CNTNAP4: variants seen among roughly 807,000 people sequenced by gnomAD.
The protein encoded by CNTNAP4 is contactin-associated protein-like 4.
CNTNAP4 carries 98 observed loss-of-function variants against 148.4 expected under a neutral mutation model. The observed-to-expected ratio is 0.66, with a 90% confidence interval of 0.56 to 0.78. The LOEUF is 0.78. Ranked by LOEUF, CNTNAP4 falls within the 30% of genes least tolerant of loss-of-function variation. CNTNAP4 has a pLI of 0.00. For synonymous variants in CNTNAP4, 730 were observed against 565.1 expected (o/e 1.29, Z -4.14); for missense variants, 1,935 against 1,565.6 (o/e 1.24, Z -3.98).
In CNTNAP4 at chr16:76,553,402, C is replaced by G. The variant is rs540496086; in HGVS notation, c.3562C>G (p.Pro1188Ala). ...PLKAALHPSH[P>A]DPVTVTGHVT... ...GAAGGCAGCTCTGCACCCCAGCCAC[C>G]CAGACCCTGTCACTGTTACAGGACA... Residue 1188 changes from proline to alanine, a missense_variant, in exon 22 of 24, where the codon CCA becomes GCA. By Grantham distance (27) the Pro-to-Ala change is conservative (BLOSUM62 -1). Coordinates refer to ENST00000611870, the MANE Select transcript of CNTNAP4 (RefSeq NM_033401.5). 1.4e-5 allele frequency: 22 copies of G among 1,612,450 alleles called. No individual in the cohort carries two copies. The highest frequency in any genetic ancestry group is 1.7e-5 in the Non-Finnish European group (20 of 1,179,284).
At chr16:76,405,575 G>T (rs1317003028) in intron 3 of CNTNAP4, among the ~76,000 whole-genome samples, 1 of 143,196 alleles carries the variant, frequency 7.0e-6, no homozygotes. Flanking sequence ...AAATCATAAG[G>T]AAGAGAAAAA....
chr16:76,441,985 C>G (rs958682832), intron 4 of CNTNAP4, among the ~76,000 whole-genome samples: 12 of 152,054 alleles, frequency 7.9e-5, no homozygotes, highest in Admixed American at 7.2e-4. Flanking sequence ...AGGATAATAC[C>G]TCCCTAATAT....
In CNTNAP4 at chr16:76,475,777, T is replaced by C. The variant is rs2081554083; in HGVS notation, c.1656-162T>C. Among the ~76,000 whole-genome samples the C allele has an allele frequency of 2.0e-5, 3 of 152,332 alleles. No individual in the cohort carries two copies. The South Asian group carries it at 6.2e-4, about 32-fold the overall frequency. On this transcript the variant is annotated intron_variant, in intron 10 of 23. Transcript: ENST00000611870. ...CTGAAATCTGATGAATTTATTGATC[T>C]AAGGTTTAGTTCTGTGATTAAAGTG...
chr16:76,409,501 T>G (rs938696089), intron 3 of CNTNAP4, among the ~76,000 whole-genome samples: 20 of 152,006 alleles, frequency 1.3e-4, no homozygotes, highest in Non-Finnish European at 2.5e-4. Flanking sequence ...TATGGATATT[T>G]AGGAACTTCT....
At chr16:76,368,133 A>G (rs1047237595) in intron 3 of CNTNAP4, among the ~76,000 whole-genome samples, 1 of 152,210 alleles carries the variant, frequency 6.6e-6, no homozygotes, top group African/African-American at 2.4e-5. Context: ...AAAACATACC[A>G]GCAGGATATC....
chr16:76,309,587 A>C (rs368529079), intron 1 of CNTNAP4, among the ~76,000 whole-genome samples: 84 of 152,324 alleles, frequency 5.5e-4, no homozygotes, highest in African/African-American at 1.7e-3. Flanking sequence ...TAAATTGGAA[A>C]CATGGGCAAA....
intron 1 of CNTNAP4, among the ~76,000 whole-genome samples, chr16:76,312,063 A>C (rs1961181793): frequency 6.6e-6 from 1 of 152,212 alleles, no homozygotes. Flanking sequence ...TGAAAGTTCT[A>C]GCTGTGAGAT....
chr16:76,374,413 A>G (rs771335299), intron 3 of CNTNAP4, among the ~76,000 whole-genome samples: 1 of 152,226 alleles, frequency 6.6e-6, no homozygotes, highest in Non-Finnish European at 1.5e-5. Flanking sequence ...TAATGTAAAA[A>G]AATTAATATA....
At chr16:76,483,708 A>AC (rs2081924129) in intron 12 of CNTNAP4, among the ~76,000 whole-genome samples, 1 of 152,174 alleles carries the variant, frequency 6.6e-6, no homozygotes, top group African/African-American at 2.4e-5. Flanking sequence ...ACTACAAATG[A>AC]GACATTTGTT....
At chr16:76,418,876 G>A (rs1389228660) in intron 3 of CNTNAP4, among the ~76,000 whole-genome samples, 1 of 151,868 alleles carries the variant, frequency 6.6e-6, no homozygotes, top group Admixed American at 6.6e-5. Context: ...TTACAGTTTA[G>A]GTTTGCTATA....
chr16:76,460,718 A>C (rs1217372818), intron 8 of CNTNAP4, among the ~76,000 whole-genome samples: 2 of 126,880 alleles, frequency 1.6e-5, no homozygotes, highest in East Asian at 4.9e-4. Context: ...GCGCCATTGC[A>C]CTCCAGCCTG....
chr16:76,498,016 AT>A (rs1231172924), intron 14 of CNTNAP4, among the ~76,000 whole-genome samples: 2 of 152,128 alleles, frequency 1.3e-5, no homozygotes, highest in Non-Finnish European at 2.9e-5. Context: ...GAATTAAAAA[AT>A]CTCCAACTGT....
chr16:76,522,780 C>CTTTTCTTTTCTTTTCTTTT (rs1184582301), intron 17 of CNTNAP4, among the ~76,000 whole-genome samples: 1 of 95,856 alleles, frequency 1.0e-5, no homozygotes, highest in Non-Finnish European at 2.4e-5. Flanking sequence ...TCTTTTCTTT[C>CTTTTCTTTTCTTTTCTTTT]TTGACAGAGT....
At chr16:76,363,197 T>G (rs2013659206) in intron 3 of CNTNAP4, among the ~76,000 whole-genome samples, 1 of 151,444 alleles carries the variant, frequency 6.6e-6, no homozygotes, top group Non-Finnish European at 1.5e-5. Context: ...GTCTCACTCT[T>G]GCACCCAGGC....
chr16:76,378,792 T>C (rs1381004899), intron 3 of CNTNAP4, among the ~76,000 whole-genome samples: 3 of 152,044 alleles, frequency 2.0e-5, no homozygotes, highest in Non-Finnish European at 4.4e-5. Context: ...TCCATGTCAG[T>C]GAGGGAGAAA....
At chr16:76,398,314 C>T (rs2078284012) in intron 3 of CNTNAP4, among the ~76,000 whole-genome samples, 2 of 151,960 alleles carry the variant, frequency 1.3e-5, no homozygotes. Flanking sequence ...CTCTCAGACA[C>T]ACCCAAAGGC....
chr16:76,510,233 T>C (rs2082957878), intron 15 of CNTNAP4, among the ~76,000 whole-genome samples: 1 of 152,094 alleles, frequency 6.6e-6, no homozygotes, highest in Non-Finnish European at 1.5e-5. Flanking sequence ...TTCATATAGA[T>C]AAAAATACAA....
At chr16:76,482,877 G>A (rs1597691237) in intron 12 of CNTNAP4, among the ~76,000 whole-genome samples, 1 of 152,074 alleles carries the variant, frequency 6.6e-6, no homozygotes, top group Non-Finnish European at 1.5e-5. Context: ...CTTAGGTTTG[G>A]GAATCACTGT....
intron 10 of CNTNAP4, among the ~76,000 whole-genome samples, chr16:76,471,972 G>GT (rs1373947447): frequency 6.6e-6 from 1 of 152,182 alleles, no homozygotes; most frequent in African/African-American, 2.4e-5. Context: ...TTGTATGAAA[G>GT]TTTTTGAAAT....
Sources: allele counts gnomAD v4.1 joint callset (sites outside exome capture counted in the v4.1 genomes callset), GRCh38; gene constraint gnomAD v4.1.1; transcripts MANE v1.5; gene names NCBI Gene and HGNC (gene_info 2026-07-23, HGNC 2026-07-21).